The following MYH8 variants were observed in gnomAD, a reference collection of about 807,000 sequenced individuals.
The protein encoded by MYH8 is myosin heavy chain 8, also known as myosin-8.
In MYH8, 168 loss-of-function variants were observed where a neutral mutation model predicts 233.2. That is an observed-to-expected ratio of 0.72 (90% CI 0.64 to 0.82). The LOEUF (loss-of-function observed/expected upper bound fraction) is 0.82. MYH8 is among the 40% of genes least tolerant of loss of function. The pLI, the probability that MYH8 is intolerant of heterozygous loss-of-function variation, is 0.00. For synonymous variants in MYH8, 785 were observed against 850.6 expected (o/e 0.92, Z 1.34); for missense variants, 1,995 against 2,327.8 (o/e 0.86, Z 2.94).
Position 10,400,871 on chromosome 17 carries a change from G to C in MYH8, c.3343C>G (p.Gln1115Glu), listed in dbSNP as rs755125452. Residue 1115 changes from glutamine to glutamate, a missense_variant and splice_region_variant, in exon 26 of 40, where the codon CAG becomes GAG. Coordinates refer to ENST00000403437, the MANE Select transcript of MYH8 (RefSeq NM_002472.3). This position sits in a 1 kb window ranked among gnomAD's most constrained non-coding sequence, Gnocchi z 4.0. The stretch of plus-strand genomic sequence containing the variant: ...AAAATAGAGGTGAGATGACTCACCT[G>C]CAACTCTTTGATCTTCTTCTGTAGT... ...IQLQKKIKEL[Q>E]ARIEELGEEI... The C allele has an allele frequency of 6.2e-7, 1 of 1,613,630 alleles. No homozygotes were observed. Among genetic ancestry groups the C allele is most frequent in the East Asian group, 2.2e-5 (1 of 44,886 alleles).
chr17:10,399,626 C>T lies in MYH8; in HGVS notation c.3779G>A (p.Ser1260Asn), dbSNP rs575944229. ...KMCRSLEDQV[S>N]ELKTKEEEQQ... ...CTCCTCTTCCTTGGTCTTAAGCTCA[C>T]TCACTTGATCTTCTAGAGAGCGGCA... is the stretch of plus-strand genomic sequence containing the variant. Residue 1260 changes from serine to asparagine, a missense_variant, in exon 28 of 40, where the codon AGT becomes AAT. Transcript: ENST00000403437. The T allele has an allele frequency of 3.7e-5, 60 of 1,614,180 alleles. No individual in the cohort carries two copies. The East Asian group carries it at 1.2e-3, about 32-fold the overall frequency.
chr17:10,412,519 C>T lies in MYH8; in HGVS notation c.1267G>A (p.Val423Met), dbSNP rs892513199. ...YVTKGQTVQQ[V>M]YNAVGALAKA... ...GCCAGAGCACCCACCGCATTGTACACCTTCACAGATAGAGTAATGTTTGTT... is the reference window on the plus strand; with the variant it reads ...GCCAGAGCACCCACCGCATTGTACATCTTCACAGATAGAGTAATGTTTGTT... The change falls in exon 14 of 40, where the codon GTG (valine) becomes ATG (methionine). Residue 423 changes from valine (V) to methionine (M), a missense_variant and splice_region_variant. Physicochemically the swap from Val to Met is conservative, Grantham distance 21. Transcript: ENST00000403437. 3.7e-6 allele frequency: 6 copies of T among 1,614,214 alleles called. No individual in the cohort carries two copies. The African/African-American group carries it at 5.3e-5, about 14-fold the overall frequency.
intron 30 of MYH8, 24 bp from the exon 31 acceptor site, chr17:10,397,010 G>C (rs768690144): frequency 6.2e-7 from 1 of 1,613,822 alleles, no homozygotes. Flanking sequence ...CAGGCAGTCA[G>C]GAGAATGGCC....
intron 14 of MYH8, 61 bp from the exon 15 acceptor site, chr17:10,411,008 C>T (rs1250137687): frequency 4.3e-6 from 7 of 1,612,018 alleles, no homozygotes; most frequent in African/African-American, 2.7e-5. Context: ...AAATTCATTA[C>T]TGAAAAAATT....
chr17:10,412,236 G>C (rs1233022362), intron 14 of MYH8, 134 bp downstream of exon 14: 1 of 1,544,964 alleles, frequency 6.5e-7, no homozygotes, highest in East Asian at 2.3e-5. Flanking sequence ...CTCCTATTTT[G>C]GAGATAACCT....
At chr17:10,406,201 T>A in intron 20 of MYH8, 24 bp from the exon 21 acceptor site, 3 of 1,614,080 alleles carry the variant, frequency 1.9e-6, no homozygotes, top group Non-Finnish European at 2.5e-6. Flanking sequence ...GAGTCACAAA[T>A]CATCTCCATA....
chr17:10,408,966 A>G, intron 17 of MYH8, 131 bp downstream of exon 17: 1 of 816,842 alleles, frequency 1.2e-6, no homozygotes, highest in Non-Finnish European at 2.0e-6. Context: ...TTCTTTGGCT[A>G]TACTCTGACG....
intron 28 of MYH8, 120 bp downstream of exon 28, chr17:10,399,423 T>C: frequency 6.4e-7 from 1 of 1,557,526 alleles, no homozygotes; most frequent in Non-Finnish European, 8.8e-7. Flanking sequence ...TTTGACCTTC[T>C]TAGCAAACTC....
In MYH8 at chr17:10,406,102, T is replaced by C; in HGVS notation, c.2371A>G (p.Thr791Ala). Residue 791 changes from threonine (T) to alanine (A), a missense_variant, in exon 21 of 40, where the codon ACA (threonine) becomes GCA (alanine). Physicochemically the swap from Thr to Ala is moderately conservative, Grantham distance 58. Transcript: ENST00000403437. ...DEKLAQIITR[T>A]QAVCRGFLMR... is the part of the protein sequence containing the mutation. ...AGGAATCCCCTACAGACAGCTTGTG[T>C]TCTTGTTATAATTTGGGCTAATTTT... The C allele has an allele frequency of 6.2e-7, 1 of 1,614,162 alleles. No homozygotes were observed. The highest frequency in any genetic ancestry group is 8.5e-7 in the Non-Finnish European group (1 of 1,180,016).
intron 30 of MYH8, 48 bp from the exon 31 acceptor site, chr17:10,397,034 A>G (rs773675612): frequency 1.3e-6 from 2 of 1,592,184 alleles, no homozygotes; most frequent in South Asian, 2.2e-5. Context: ...ACCAGAAGCA[A>G]AGTGATAACC....
At position 10,412,711 on chromosome 17, in the gene MYH8, A is replaced by G; in HGVS notation, c.1165T>C (p.Tyr389His). 1 of 1,614,176 alleles carries G rather than the reference A, an allele frequency of 6.2e-7. No homozygotes were observed. Among genetic ancestry groups the G allele is most frequent in the Non-Finnish European group, 8.5e-7 (1 of 1,179,974 alleles). The change falls in exon 13 of 40, where the codon TAT becomes CAT. Residue 389 changes from tyrosine to histidine, a missense_variant. Physicochemically the swap from Tyr to His is moderately conservative, Grantham distance 83 (BLOSUM62 2). Transcript: ENST00000403437. The part of the protein sequence containing the change: ...DGTEVADKAA[Y>H]LQSLNSADLL... ...TCTGCAGAGTTCAGACTCTGGAGAT[A>G]GGCTGCCTTGTCAGCGACTGCAGAG...
At position 10,392,826 on chromosome 17, in the gene MYH8, C is replaced by G. The variant is rs758912765; in HGVS notation, c.5463+5G>C. 2 of 1,614,012 alleles carry G rather than the reference C, an allele frequency of 1.2e-6. No individual in the cohort carries two copies. Among genetic ancestry groups the G allele is most frequent in the African/African-American group, 1.3e-5 (1 of 74,904 alleles). On this transcript the variant is annotated splice_donor_5th_base_variant and intron_variant, in intron 37 of 39. Coordinates refer to ENST00000403437, the MANE Select transcript of MYH8 (RefSeq NM_002472.3). ...TCCCAGATTTAGAGAGATTGAGACACCCACCCTGGCCTCCAGTTTCTGGAT... is the reference window on the plus strand; with the variant it reads ...TCCCAGATTTAGAGAGATTGAGACAGCCACCCTGGCCTCCAGTTTCTGGAT...
chr17:10,392,071 G>T, intron 38 of MYH8, 94 bp from the exon 39 acceptor site: 2 of 1,015,448 alleles, frequency 2.0e-6, no homozygotes, highest in Non-Finnish European at 3.1e-6. Context: ...TGGCAGGTGG[G>T]CCTGGGGTAA....
At chr17:10,392,050 A>G in intron 38 of MYH8, 73 bp from the exon 39 acceptor site, 1 of 1,260,630 alleles carries the variant, frequency 7.9e-7, no homozygotes, top group Non-Finnish European at 1.2e-6. Context: ...AAATAAAATC[A>G]TTTGGCATGA....
Position 10,404,515 on chromosome 17 carries a change from G to A in MYH8, c.2503C>T (p.Leu835Phe). The A allele has an allele frequency of 1.9e-6, 3 of 1,613,962 alleles. No individual in the cohort carries two copies. Among genetic ancestry groups the A allele is most frequent in the Non-Finnish European group, 2.5e-6 (3 of 1,179,938 alleles). Residue 835 changes from leucine to phenylalanine, a missense_variant, in exon 22 of 40, where the codon CTC (leucine) becomes TTC (phenylalanine). Around this residue, in one of 3 missense-constraint regions of MYH8, gnomAD observed 1,498 missense variants for 1,680.9 expected, o/e 0.89. Coordinates refer to ENST00000403437, the MANE Select transcript of MYH8 (RefSeq NM_002472.3). ...MNVKHWPWMK[L>F]FFKIKPLLKS... Reference sequence around the variant, plus strand: ...AGGAGGGGCTTAATCTTGAAAAAGAGTTTCATCCAGGGCCAGTGCTTGACG... The same window carrying A: ...AGGAGGGGCTTAATCTTGAAAAAGAATTTCATCCAGGGCCAGTGCTTGACG...
Position 10,419,139 on chromosome 17 carries a change from C to A in MYH8, c.211-109G>T, listed in dbSNP as rs1597406292. 3 of 1,240,314 alleles carry A rather than the reference C, an allele frequency of 2.4e-6. No homozygotes were observed. The highest frequency in any genetic ancestry group is 3.5e-6 in the Non-Finnish European group (3 of 863,174). The allele number at this position is 1,240,314 out of a possible 1,614,324, so 76.8% of individuals were successfully genotyped here. A position where few individuals can be genotyped will look rare whatever the true frequency, so the allele number is the denominator to read the frequency against. On this transcript the variant is annotated intron_variant, in intron 3 of 39. Transcript: ENST00000403437. This position sits in a 1 kb window ranked among gnomAD's most constrained non-coding sequence, Gnocchi z 4.0. ...GTGGCGCGATCTCAGCTCACTGCAACCTCCGCCCTCCTGCTTCAAGTGATT... is the reference window on the plus strand; with the variant it reads ...GTGGCGCGATCTCAGCTCACTGCAAACTCCGCCCTCCTGCTTCAAGTGATT...
intron 14 of MYH8, 134 bp downstream of exon 14, chr17:10,412,236 G>A (rs1233022362): frequency 6.5e-7 from 1 of 1,544,846 alleles, no homozygotes; most frequent in East Asian, 2.3e-5. Context: ...CTCCTATTTT[G>A]GAGATAACCT....
At chr17:10,406,838 G>C in intron 18 of MYH8, 31 bp from the exon 19 acceptor site, 5 of 1,612,564 alleles carry the variant, frequency 3.1e-6, no homozygotes, top group Non-Finnish European at 4.2e-6. Context: ...TTATTAGTGG[G>C]CATTTAACTT....
intron 23 of MYH8, 23 bp downstream of exon 23, chr17:10,401,520 G>C (rs775956791): frequency 3.7e-6 from 6 of 1,614,094 alleles, no homozygotes; most frequent in Non-Finnish European, 8.5e-7. Context: ...CCTCTATACA[G>C]TATTGTAAAA....
Sources: gnomAD v4.1 joint callset for allele counts on GRCh38, gnomAD v4.1.1 for gene constraint, gnomAD v4.1.1 regional missense constraint, Gnocchi (gnomAD v3.1) non-coding constraint, MANE v1.5 for transcripts, NCBI Gene and HGNC (gene_info 2026-07-23, HGNC 2026-07-21) for gene names.